Variants in ATL1 observed in about 807,000 individuals in gnomAD.
ATL1 encodes the protein atlastin GTPase 1.
ATL1 carries 31 observed loss-of-function variants against 75.5 expected under a neutral mutation model. The ratio of observed to expected loss-of-function variants is 0.41; its 90% confidence interval spans 0.31 to 0.55. ATL1 has a LOEUF of 0.55. Among genes scored for constraint, ATL1 ranks in the 20% least tolerant of loss-of-function variants. ATL1 has a pLI of 0.27. For missense variants in ATL1, 405 were observed against 662.6 expected, an observed-to-expected ratio of 0.61 and a Z score of 4.27; for synonymous variants, 226 against 233.3, an observed-to-expected ratio of 0.97 and a Z score of 0.28.
intron 1 of ATL1, among the ~76,000 whole-genome samples, chr14:50,567,316 A>C (rs1233367623): frequency 6.6e-6 from 1 of 152,172 alleles, no homozygotes; most frequent in Non-Finnish European, 1.5e-5. Flanking sequence ...TTTAAGGCTG[A>C]ATAGCATTCC....
intron 9 of ATL1, among the ~76,000 whole-genome samples, chr14:50,621,248 G>A (rs138590440): frequency 2.6e-4 from 39 of 152,232 alleles, no homozygotes; most frequent in African/African-American, 6.5e-4. Context: ...TTACCAACCC[G>A]TATATATCCT....
chr14:50,606,770 C>A (rs1481412418), intron 6 of ATL1, among the ~76,000 whole-genome samples: 1 of 151,754 alleles, frequency 6.6e-6, no homozygotes, highest in Admixed American at 6.6e-5. Context: ...CAATTCAAGA[C>A]AAAACAAAAA....
chr14:50,591,453 T>C, intron 3 of ATL1, 82 bp from the exon 4 acceptor site: 1 of 918,244 alleles, frequency 1.1e-6, no homozygotes, highest in Non-Finnish European at 1.8e-6. Flanking sequence ...TGGTTTGCTT[T>C]AGTTCTTATA....
At chr14:50,604,933 C>T (rs747357294) in intron 6 of ATL1, among the ~76,000 whole-genome samples, 21 of 152,022 alleles carry the variant, frequency 1.4e-4, no homozygotes, top group Non-Finnish European at 2.9e-4. Flanking sequence ...GTAGATACTT[C>T]AAGTAATTAG....
At chr14:50,564,962 T>A (rs2038888887) in intron 1 of ATL1, among the ~76,000 whole-genome samples, 1 of 152,076 alleles carries the variant, frequency 6.6e-6, no homozygotes, top group Non-Finnish European at 1.5e-5. Flanking sequence ...ATCTTCTATA[T>A]ACCTAATTCT....
chr14:50,571,986 C>T, intron 1 of ATL1: 1 of 469,132 alleles, frequency 2.1e-6, no homozygotes, highest in Non-Finnish European at 4.1e-6. Context: ...GTTTTGTTGC[C>T]CGCTAGTTGC....
intron 12 of ATL1, 67 bp from the exon 13 acceptor site, chr14:50,629,928 T>A (rs929216297): frequency 2.1e-5 from 25 of 1,185,124 alleles, no homozygotes; most frequent in African/African-American, 6.9e-5. Flanking sequence ...GCAAAGTTGA[T>A]TATAATGCTG....
At chr14:50,564,421 G>A (rs2038881260) in intron 1 of ATL1, among the ~76,000 whole-genome samples, 1 of 151,872 alleles carries the variant, frequency 6.6e-6, no homozygotes, top group South Asian at 2.1e-4. Flanking sequence ...AAGCTAAGGC[G>A]GGCAGATCAG....
chr14:50,630,626 A>G (rs567665143), intron 13 of ATL1, among the ~76,000 whole-genome samples: 1 of 152,356 alleles, frequency 6.6e-6, no homozygotes, highest in Admixed American at 6.5e-5. Flanking sequence ...GGAATCATTT[A>G]GGTCATTATC....
upstream of ATL1, among the ~76,000 whole-genome samples, chr14:50,556,983 T>A (rs975452763): frequency 2.6e-5 from 4 of 152,210 alleles, no homozygotes; most frequent in Admixed American, 2.0e-4. Context: ...TGTGGACATA[T>A]ATTGTAATTT....
rs1369410522 is a variant in ATL1, at chr14:50,574,964, T to TTATTATTA, written c.35-12867_35-12866insTATTATTA. Among the ~76,000 whole-genome samples the TTATTATTA allele has an allele frequency of 4.9e-3, 674 of 137,230 alleles. 8 individuals are homozygous for TTATTATTA. Among genetic ancestry groups the TTATTATTA allele is most frequent in the Non-Finnish European group, 8.2e-3 (521 of 63,750 alleles). The allele number at this position is 137,230 out of a possible 152,430, so 90.0% of individuals were successfully genotyped here. A position where few individuals can be genotyped will look rare whatever the true frequency, so the allele number is the denominator to read the frequency against. ...ATATATATATATATATATATATATA[T>TTATTATTA]ATATATATATATTAGCTTTTACTAG... On this transcript the variant is annotated intron_variant, in intron 1 of 13. Transcript: ENST00000358385.
intron 12 of ATL1, among the ~76,000 whole-genome samples, chr14:50,629,005 A>T (rs1388035741): frequency 1.3e-5 from 2 of 152,204 alleles, no homozygotes; most frequent in Non-Finnish European, 2.9e-5. Context: ...GGCGTGAGCC[A>T]CCCAGCCTAC....
At position 50,632,519 on chromosome 14, in the gene ATL1, A is replaced by C. The variant is rs2039592812; in HGVS notation, c.*180A>C. 2.0e-6 allele frequency: 1 copy of C among 510,236 alleles called. No homozygotes were observed. The highest frequency in any genetic ancestry group is 3.6e-6 in the Non-Finnish European group (1 of 278,848). The allele number at this position is 510,236 out of a possible 1,614,324, so 31.6% of individuals were successfully genotyped here. A position where few individuals can be genotyped will look rare whatever the true frequency, so the allele number is the denominator to read the frequency against. On this transcript the variant is annotated 3_prime_UTR_variant, in exon 14 of 14. Coordinates refer to ENST00000358385, the MANE Select transcript of ATL1 (RefSeq NM_015915.5). Reference sequence around the variant, plus strand: ...GTTTAATAAGCAGATGTATGTATGCATGGTTATACTATTTTGTTAACATGT... The same window carrying C: ...GTTTAATAAGCAGATGTATGTATGCCTGGTTATACTATTTTGTTAACATGT...
chr14:50,588,596 A>C (rs1284175405), intron 2 of ATL1, among the ~76,000 whole-genome samples: 1 of 152,152 alleles, frequency 6.6e-6, no homozygotes, highest in Admixed American at 6.5e-5. Flanking sequence ...TGCATTTGAA[A>C]ATAAATTGCT....
intron 1 of ATL1, among the ~76,000 whole-genome samples, chr14:50,566,871 TTC>T (rs1409944710): frequency 2.0e-5 from 3 of 152,200 alleles, no homozygotes; most frequent in Non-Finnish European, 4.4e-5. Context: ...TAAAAAAATC[TTC>T]TCTTACCTCA....
intron 7 of ATL1, 97 bp downstream of exon 7, chr14:50,613,448 C>T (rs1221284376): frequency 2.3e-6 from 2 of 870,528 alleles, no homozygotes; most frequent in Non-Finnish European, 3.8e-6. Flanking sequence ...CCACTAGCCG[C>T]AATCTCATTT....
At chr14:50,624,757 G>T (rs59807161) in intron 11 of ATL1, among the ~76,000 whole-genome samples, 16 of 151,840 alleles carry the variant, frequency 1.1e-4, no homozygotes, top group Middle Eastern at 3.2e-3. Context: ...CAAAGGAAGA[G>T]TTCTTAAAGG....
At chr14:50,555,728 A>G (rs1461375568), upstream of ATL1, among the ~76,000 whole-genome samples, 1 of 152,224 alleles carries the variant, frequency 6.6e-6, no homozygotes, top group Non-Finnish European at 1.5e-5. Context: ...AATATAGTCC[A>G]TGATACCACT....
intron 6 of ATL1, among the ~76,000 whole-genome samples, chr14:50,604,734 C>T (rs2039301328): frequency 6.6e-6 from 1 of 152,074 alleles, no homozygotes; most frequent in Non-Finnish European, 1.5e-5. Context: ...ATGAAATTCT[C>T]CTTCAATGGG....
Sources: gnomAD v4.1 joint callset for allele counts (sites outside exome capture counted in the v4.1 genomes callset) on GRCh38, gnomAD v4.1.1 for gene constraint, MANE v1.5 for transcripts, NCBI Gene and HGNC (gene_info 2026-07-23, HGNC 2026-07-21) for gene names.